CCDC180: variants seen among roughly 807,000 people sequenced by gnomAD.
CCDC180 encodes coiled-coil domain-containing protein 180.
CCDC180 carries 154 observed loss-of-function variants against 209.2 expected under a neutral mutation model. The ratio of observed to expected loss-of-function variants is 0.74; its 90% CI spans 0.65 to 0.84. The LOEUF is 0.84. Ranked by LOEUF, CCDC180 falls within the 40% of genes least tolerant of loss-of-function variation. The probability of loss-of-function intolerance (pLI) is 0.00; values close to 1 mark genes in which losing one functional copy is unlikely to be tolerated. For missense variants in CCDC180, 1,874 were observed against 1,997.3 expected, an observed-to-expected ratio of 0.94 and a Z score of 1.18; for synonymous variants, 778 against 749.1, an observed-to-expected ratio of 1.04 and a Z score of -0.63.
chr9:97,313,005 A>G (rs1833041109), intron 4 of CCDC180, among the ~76,000 whole-genome samples: 1 of 152,100 alleles, frequency 6.6e-6, no homozygotes. Flanking sequence ...CATTCTGTGC[A>G]TACTATTTTG....
rs115532126 is a variant in CCDC180 at position 97,374,842 on chromosome 9, G to A, written c.4706+194G>A. Among the ~76,000 whole-genome samples, 803 of 152,318 alleles carry A rather than the reference G, an allele frequency of 5.3e-3. 7 individuals are homozygous for A. The highest frequency in any genetic ancestry group is 0.017 in the African/African-American group (718 of 41,556). The stretch of plus-strand genomic sequence containing the variant: ...TATTATCAAGAGAAAGTTAAATGAG[G>A]TAGTACCTGGGGTGCCCCAGCACAT... On this transcript the variant is annotated intron_variant, in intron 35 of 36. Coordinates refer to ENST00000529487, the MANE Select transcript of CCDC180 (RefSeq NM_020893.6).
At chr9:97,356,753 C>A (rs1483364236) in intron 24 of CCDC180, among the ~76,000 whole-genome samples, 7 of 152,226 alleles carry the variant, frequency 4.6e-5, no homozygotes, top group Admixed American at 4.6e-4. Context: ...TTCAAAATAT[C>A]TAACACCTGT....
Position 97,308,063 on chromosome 9 carries a change from G to C in CCDC180, c.-1G>C. The C allele has an allele frequency of 1.9e-6, 3 of 1,613,730 alleles. No homozygotes were observed. Among genetic ancestry groups the C allele is most frequent in the Non-Finnish European group, 2.5e-6 (3 of 1,179,830 alleles). On this transcript the variant is annotated 5_prime_UTR_variant, in exon 2 of 37. Transcript: ENST00000529487. ...GCAGGGGCATCCAGCCAGCGGCCAA[G>C]ATGTCGTCAGTGGGGAAGGTGACCC...
At position 97,309,451 on chromosome 9, in the gene CCDC180, G is replaced by C; in HGVS notation, c.107G>C (p.Arg36Pro). The C allele has an allele frequency of 6.2e-6, 10 of 1,602,598 alleles. No individual in the cohort carries two copies. Among genetic ancestry groups the C allele is most frequent in the Non-Finnish European group, 8.5e-6 (10 of 1,174,914 alleles). Residue 36 changes from arginine to proline, a missense_variant, in exon 3 of 37, where the codon CGG becomes CCG. By Grantham distance (103) the Arg-to-Pro change is moderately radical (BLOSUM62 -2). Coordinates refer to ENST00000529487, the MANE Select transcript of CCDC180 (RefSeq NM_020893.6). ...LVHSLAATRK[R>P]AAERSVTLKS... ...CACTCCCTGGCGGCCACCAGGAAGC[G>C]GGCTGCAGAGCGTTCTGTGACCCTG...
intron 18 of CCDC180, among the ~76,000 whole-genome samples, chr9:97,342,446 A>AAT (rs1450873849): frequency 6.6e-6 from 1 of 151,586 alleles, no homozygotes; most frequent in African/African-American, 2.4e-5. Context: ...CAGACCTCTA[A>AAT]TTTTTGTATT....
chr9:97,366,560 A>G lies in CCDC180; in HGVS notation c.4049A>G (p.Glu1350Gly). 6.2e-7 allele frequency: 1 copy of G among 1,612,822 alleles called. No individual in the cohort carries two copies. Among genetic ancestry groups the G allele is most frequent in the South Asian group, 1.1e-5 (1 of 91,016 alleles). Residue 1350 changes from glutamate (E) to glycine (G), a missense_variant and splice_region_variant, in exon 31 of 37, where the codon GAG becomes GGG. Physicochemically the swap from Glu to Gly is moderately conservative, Grantham distance 98. Transcript: ENST00000529487. The surrounding 1 kb of genome is among the most constrained non-coding windows in gnomAD (Gnocchi z 4.3). ...GCACATGGTCACCCTCTCTGGCAGG[A>G]GTTCTACCGTAAAGAAAAACGCCCA... ...SSENLLTVAEEFYRKEKRPVT... is the reference protein window; with the variant it reads ...SSENLLTVAEGFYRKEKRPVT...
At position 97,346,723 on chromosome 9, in the gene CCDC180, T is replaced by C. The variant is rs530020594; in HGVS notation, c.2499-591T>C. 1.8e-3 allele frequency among the ~76,000 whole-genome samples: 273 copies of C among 152,250 alleles called. 1 individual carries two copies. Among genetic ancestry groups the C allele is most frequent in the African/African-American group, 5.6e-3 (233 of 41,544 alleles). On this transcript the variant is annotated intron_variant, in intron 19 of 36. Transcript: ENST00000529487. ...CTGAGTAGATGGGACCATAGGCGCA[T>C]GTCACCATGACCAGCTAATTTTTAA...
At position 97,376,838 on chromosome 9, in the gene CCDC180, C is replaced by T. The variant is rs140650703; in HGVS notation, c.4918C>T (p.Arg1640Cys). Reference sequence around the variant, plus strand: ...TACATCTCAGATAAAGGAGGCTCAGCGCTGGAAGGACAGCTGGAAGCAGTC... The same window carrying T: ...TACATCTCAGATAAAGGAGGCTCAGTGCTGGAAGGACAGCTGGAAGCAGTC... ...DCTSQIKEAQ[R>C]WKDSWKQSLH... The change falls in exon 37 of 37, where the codon CGC becomes TGC. Residue 1640 changes from arginine (R) to cysteine (C), a missense_variant. Arg to Cys is a radical substitution (Grantham distance 180). Coordinates refer to ENST00000529487, the MANE Select transcript of CCDC180 (RefSeq NM_020893.6). 99 of 1,613,294 alleles carry T rather than the reference C, an allele frequency of 6.1e-5. No homozygotes were observed. In the African/African-American group the frequency reaches 6.7e-4, roughly 11 times the overall value.
rs61741729 is a variant in CCDC180, at chr9:97,369,959, G to T, written c.4227G>T (p.Leu1409=). 1.2e-6 allele frequency: 2 copies of T among 1,614,068 alleles called. No individual in the cohort carries two copies. Residue 1409 remains leucine, a synonymous_variant, in exon 32 of 37, where the codon CTG becomes CTT. Coordinates refer to ENST00000529487, the MANE Select transcript of CCDC180 (RefSeq NM_020893.6). ...RIQIRRFEEL[L]PQVCWLVMEN... ...AGATCAGGAGATTTGAGGAGCTGCT[G>T]CCCCAAGTGTGTTGGCTGGTGATGG...
Position 97,378,034 on chromosome 9 carries a change from A to T in CCDC180, c.*1140A>T, listed in dbSNP as rs952993604. The T allele has an allele frequency of 7.9e-5, 12 of 152,160 alleles. No homozygotes were observed. The highest frequency in any genetic ancestry group is 1.6e-4 in the Non-Finnish European group (11 of 68,052). 9.4% of individuals were successfully genotyped at this position (152,160 alleles called of 1,614,324 possible). ...TGACGAAACCCCATATCTACTAAAA[A>T]TACAAAAAGTTAGCCAGGCATGGTG... On this transcript the variant is annotated 3_prime_UTR_variant, in exon 37 of 37. Transcript: ENST00000529487.
intron 10 of CCDC180, 96 bp from the exon 11 acceptor site, chr9:97,320,030 T>C: frequency 2.1e-6 from 2 of 942,710 alleles, no homozygotes; most frequent in Non-Finnish European, 3.5e-6. Flanking sequence ...TTTAAATCCA[T>C]GATTTTCTGG....
intron 19 of CCDC180, among the ~76,000 whole-genome samples, chr9:97,345,262 T>G (rs1826218091): frequency 6.6e-6 from 1 of 152,102 alleles, no homozygotes; most frequent in Non-Finnish European, 1.5e-5. Context: ...ATATCCGTCT[T>G]TAGGAGATAG....
At chr9:97,334,618 T>C (rs900621979) in intron 18 of CCDC180, among the ~76,000 whole-genome samples, 3 of 152,300 alleles carry the variant, frequency 2.0e-5, no homozygotes, top group East Asian at 1.9e-4. Context: ...GTCCTTATAA[T>C]ATTAAGTTGC....
intron 19 of CCDC180, among the ~76,000 whole-genome samples, chr9:97,347,031 G>A (rs1826278585): frequency 6.6e-6 from 1 of 152,154 alleles, no homozygotes; most frequent in Non-Finnish European, 1.5e-5. Context: ...AAACAGTTTG[G>A]CCATATCTGC....
intron 22 of CCDC180, among the ~76,000 whole-genome samples, chr9:97,354,161 C>T (rs1826499938): frequency 6.6e-6 from 1 of 152,012 alleles, no homozygotes; most frequent in South Asian, 2.1e-4. Context: ...CCACACCTGG[C>T]TAATTTTTTT....
rs546711474 is a variant in CCDC180 at position 97,354,625 on chromosome 9, G to A, written c.3059G>A (p.Arg1020Gln). 15 of 1,614,194 alleles carry A rather than the reference G, an allele frequency of 9.3e-6. No individual in the cohort carries two copies. Among genetic ancestry groups the A allele is most frequent in the South Asian group, 5.5e-5 (5 of 91,066 alleles). ...SPKEINSLCSRLEKEAARIEL... is the reference protein window; with the variant it reads ...SPKEINSLCSQLEKEAARIEL... ...AAAGAAATCAATTCACTGTGTTCCC[G>A]ACTGGAGAAGGAAGCTGCCCGGATA... Residue 1020 changes from arginine (R) to glutamine (Q), a missense_variant, in exon 23 of 37, where the codon CGA becomes CAA. Transcript: ENST00000529487.
intron 31 of CCDC180, chr9:97,369,392 G>A (rs1827011145): frequency 6.5e-6 from 1 of 153,072 alleles, no homozygotes; most frequent in East Asian, 1.9e-4. Flanking sequence ...TATAGGAGAA[G>A]CCCTTTGAAT....
At chr9:97,324,094 C>A (rs567575591) in intron 13 of CCDC180, among the ~76,000 whole-genome samples, 191 bp downstream of exon 13, 1 of 152,296 alleles carries the variant, frequency 6.6e-6, no homozygotes, top group East Asian at 1.9e-4. Flanking sequence ...CTCCTCCCAG[C>A]CACCCACTGA....
rs1393333977 is a variant in CCDC180 at position 97,362,183 on chromosome 9, C to T, written c.3657-13C>T. Reference sequence around the variant, plus strand: ...CACCGGAGAAGAGCTCACACCCTTTCCTTTGGTTTCAGACTTCCCAACACA... The same window carrying T: ...CACCGGAGAAGAGCTCACACCCTTTTCTTTGGTTTCAGACTTCCCAACACA... On this transcript the variant is annotated splice_polypyrimidine_tract_variant and intron_variant, in intron 27 of 36. Transcript: ENST00000529487. 5.0e-6 allele frequency: 8 copies of T among 1,607,624 alleles called. No individual in the cohort carries two copies. Among genetic ancestry groups the T allele is most frequent in the Admixed American group, 1.7e-5 (1 of 59,856 alleles).
Sources: gnomAD v4.1 joint callset for allele counts (sites outside exome capture counted in the v4.1 genomes callset) on GRCh38, gnomAD v4.1.1 for gene constraint, Gnocchi (gnomAD v3.1) non-coding constraint, MANE v1.5 for transcripts, NCBI Gene and HGNC (gene_info 2026-07-23, HGNC 2026-07-21) for gene names.